TSGA10: variants seen among roughly 807,000 people sequenced by gnomAD.
TSGA10 encodes the protein testis-specific gene 10 protein.
A neutral mutation model predicts 96.6 loss-of-function variants in TSGA10; 43 were observed. The ratio of observed to expected loss-of-function variants is 0.44; its 90% CI spans 0.35 to 0.57. The LOEUF (loss-of-function observed/expected upper bound fraction) is 0.57. Ranked by LOEUF, TSGA10 falls within the 20% of genes least tolerant of loss-of-function variation. The pLI is 0.01. For missense variants in TSGA10, 703 were observed against 834.4 expected, an observed-to-expected ratio of 0.84 and a Z score of 1.94; for synonymous variants, 229 against 269.9, an observed-to-expected ratio of 0.85 and a Z score of 1.48.
At chr2:99,050,878 T>C (rs2083329715) in intron 16 of TSGA10, among the ~76,000 whole-genome samples, 1 of 152,042 alleles carries the variant, frequency 6.6e-6, no homozygotes, top group Non-Finnish European at 1.5e-5. Flanking sequence ...CCCATAAGAT[T>C]ATAATATCAT....
chr2:99,063,762 C>T (rs780465972), intron 16 of TSGA10, among the ~76,000 whole-genome samples: 13 of 129,322 alleles, frequency 1.0e-4, no homozygotes, highest in Non-Finnish European at 1.7e-4. Flanking sequence ...GCCAAGATCA[C>T]GCCACTGCAC....
intron 16 of TSGA10, among the ~76,000 whole-genome samples, chr2:99,050,316 G>A (rs1022916896): frequency 3.9e-5 from 6 of 152,090 alleles, no homozygotes; most frequent in South Asian, 4.1e-4. Flanking sequence ...TCCAAAATCC[G>A]AAACTTCTTG....
At chr2:99,062,746 A>G (rs1327789538) in intron 16 of TSGA10, among the ~76,000 whole-genome samples, 5 of 152,076 alleles carry the variant, frequency 3.3e-5, no homozygotes, top group Non-Finnish European at 7.3e-5. Flanking sequence ...ACAAACAGAC[A>G]AACAAACTTT....
chr2:99,028,938 T>C (rs900007329), intron 17 of TSGA10, among the ~76,000 whole-genome samples: 1 of 152,192 alleles, frequency 6.6e-6, no homozygotes, highest in Non-Finnish European at 1.5e-5. Flanking sequence ...AAATTTTCCA[T>C]GTTGTTTTAT....
intron 4 of TSGA10, among the ~76,000 whole-genome samples, chr2:99,114,446 A>G (rs1033805628): frequency 2.0e-5 from 3 of 151,994 alleles, no homozygotes; most frequent in Admixed American, 2.0e-4. Context: ...CCAAAGGCCT[A>G]TTTCCATTTT....
At chr2:99,001,580 C>A (rs981048542) in intron 20 of TSGA10, among the ~76,000 whole-genome samples, 4 of 152,230 alleles carry the variant, frequency 2.6e-5, no homozygotes, top group Admixed American at 2.6e-4. Flanking sequence ...CTCTTCTCCT[C>A]CAAAGGAACA....
intron 1 of TSGA10, chr2:99,141,983 C>G (rs563399243): frequency 3.3e-5 from 5 of 152,574 alleles, no homozygotes; most frequent in African/African-American, 1.2e-4. Context: ...GGACCACGGC[C>G]TTGGTCAGCT....
chr2:99,055,307 A>G (rs2083848431), intron 16 of TSGA10, among the ~76,000 whole-genome samples: 1 of 152,154 alleles, frequency 6.6e-6, no homozygotes, highest in Non-Finnish European at 1.5e-5. Context: ...AAAAAAGTTG[A>G]GCTCATAGAA....
At chr2:99,105,216 C>A (rs1326260554) in intron 9 of TSGA10, 143 bp downstream of exon 9, 2 of 610,862 alleles carry the variant, frequency 3.3e-6, no homozygotes, top group Non-Finnish European at 5.2e-6. Flanking sequence ...ACAATTTACA[C>A]TATAAAATAC....
chr2:99,028,267 T>G (rs958193039), intron 17 of TSGA10, among the ~76,000 whole-genome samples: 3 of 152,254 alleles, frequency 2.0e-5, no homozygotes, highest in African/African-American at 7.2e-5. Context: ...CTTCACAGTC[T>G]GATCCAATTA....
chr2:99,068,490 G>A (rs951625921), intron 15 of TSGA10, among the ~76,000 whole-genome samples: 11 of 152,240 alleles, frequency 7.2e-5, no homozygotes, highest in African/African-American at 2.4e-4. Flanking sequence ...CATCTGCCTT[G>A]TGGTCCTAAA....
At chr2:99,014,017 T>A (rs1322351730) in intron 20 of TSGA10, among the ~76,000 whole-genome samples, 1 of 152,110 alleles carries the variant, frequency 6.6e-6, no homozygotes, top group Non-Finnish European at 1.5e-5. Flanking sequence ...TAGCCAGGCA[T>A]GGTAGCAGAC....
chr2:99,083,364 T>C (rs2104611788), intron 10 of TSGA10, among the ~76,000 whole-genome samples: 1 of 151,912 alleles, frequency 6.6e-6, no homozygotes, highest in South Asian at 2.1e-4. Flanking sequence ...CACTCAAAAA[T>C]ACTACAGATA....
chr2:99,110,471 T>C (rs2091701184), intron 5 of TSGA10, among the ~76,000 whole-genome samples: 6 of 152,234 alleles, frequency 3.9e-5, no homozygotes, highest in Admixed American at 3.3e-4. Context: ...TAAAACATTG[T>C]TTGGAATTAT....
chr2:99,055,815 T>A (rs1489973412), intron 16 of TSGA10, among the ~76,000 whole-genome samples: 6 of 139,202 alleles, frequency 4.3e-5, no homozygotes, highest in Non-Finnish European at 7.5e-5. Flanking sequence ...ATTGCACCAC[T>A]GCATTCCAGC....
chr2:99,113,243 T>G (rs1056145654), intron 4 of TSGA10, among the ~76,000 whole-genome samples: 1 of 152,120 alleles, frequency 6.6e-6, no homozygotes, highest in Non-Finnish European at 1.5e-5. Flanking sequence ...CCCTAGAGTG[T>G]GGGTTATACT....
chr2:99,117,422 T>C (rs903560349), intron 4 of TSGA10, 122 bp downstream of exon 4: 1 of 298,432 alleles, frequency 3.4e-6, no homozygotes, highest in Non-Finnish European at 5.0e-6. Flanking sequence ...CATTTAAATA[T>C]ACTGTCAAAT....
chr2:99,104,776 CT>C (rs1174741853), intron 9 of TSGA10, among the ~76,000 whole-genome samples: 3 of 152,098 alleles, frequency 2.0e-5, no homozygotes, highest in Non-Finnish European at 2.9e-5. Flanking sequence ...TGCCCAGCCC[CT>C]ATCTCATATT....
At chr2:99,098,474 A>G (rs2090335170) in intron 10 of TSGA10, among the ~76,000 whole-genome samples, 1 of 150,810 alleles carries the variant, frequency 6.6e-6, no homozygotes, top group African/African-American at 2.4e-5. Flanking sequence ...AAGAAAAGAA[A>G]AAAGAAAAAA....
Sources: gnomAD v4.1 joint callset for allele counts (sites outside exome capture counted in the v4.1 genomes callset) on GRCh38, gnomAD v4.1.1 for gene constraint, MANE v1.5 for transcripts, NCBI Gene and HGNC (gene_info 2026-07-23, HGNC 2026-07-21) for gene names.